Variants in PALLD observed in about 807,000 individuals in gnomAD.
PALLD encodes palladin.
A neutral mutation model predicts 123.5 loss-of-function variants in PALLD; 61 were observed. The ratio of observed to expected loss-of-function variants is 0.49; its 90% CI spans 0.40 to 0.61. The LOEUF (loss-of-function observed/expected upper bound fraction) is 0.61, where lower values mean the gene tolerates loss of function less well. Among genes scored for constraint, PALLD ranks in the 20% least tolerant of loss-of-function variants. The probability of loss-of-function intolerance (pLI) is 0.00; values close to 1 mark genes in which losing one functional copy is unlikely to be tolerated. For synonymous variants in PALLD, 465 were observed against 496.4 expected, an observed-to-expected ratio of 0.94 and a Z score of 0.84; for missense variants, 1,273 against 1,377.0, an observed-to-expected ratio of 0.92 and a Z score of 1.20.
intron 10 of PALLD, among the ~76,000 whole-genome samples, chr4:168,759,044 T>C (rs1732307751): frequency 6.6e-6 from 1 of 150,876 alleles, no homozygotes; most frequent in Non-Finnish European, 1.5e-5. Context: ...CCAGGCGTGA[T>C]AGCAGGTACC....
chr4:168,903,338 C>G (rs1560890695), intron 14 of PALLD, among the ~76,000 whole-genome samples: 2 of 151,972 alleles, frequency 1.3e-5, no homozygotes, highest in Non-Finnish European at 2.9e-5. Context: ...ACCTTTTTAC[C>G]TTTATTTTAT....
chr4:168,780,586 T>TG (rs1482335513), intron 10 of PALLD, among the ~76,000 whole-genome samples: 2 of 152,220 alleles, frequency 1.3e-5, no homozygotes, highest in Non-Finnish European at 2.9e-5. Flanking sequence ...TGTAGCCAGT[T>TG]GTTATGAAAG....
chr4:168,548,096 A>C (rs1340721707), intron 2 of PALLD, among the ~76,000 whole-genome samples: 1 of 152,142 alleles, frequency 6.6e-6, no homozygotes, highest in Non-Finnish European at 1.5e-5. Context: ...TTAATTATCC[A>C]GCATGTGCTT....
In PALLD at chr4:168,926,345, T is replaced by A; in HGVS notation, c.*165T>A. The A allele has an allele frequency of 6.5e-7, 1 of 1,537,416 alleles. No homozygotes were observed. The highest frequency in any genetic ancestry group is 8.7e-7 in the Non-Finnish European group (1 of 1,146,836). On this transcript the variant is annotated 3_prime_UTR_variant, in exon 22 of 22. Transcript: ENST00000505667. ...CAACCTGAGGCCAACCCATCTCACC[T>A]GACACTGAATACTGCCTTGGTAGAA...
At chr4:168,712,302 C>G in intron 10 of PALLD, 1 of 296,654 alleles carries the variant, frequency 3.4e-6, no homozygotes, top group South Asian at 4.8e-5. Flanking sequence ...GCATTTGTTA[C>G]TTTAAATATT....
At chr4:168,656,695 T>C (rs1429080614) in intron 2 of PALLD, among the ~76,000 whole-genome samples, 1 of 152,182 alleles carries the variant, frequency 6.6e-6, no homozygotes, top group African/African-American at 2.4e-5. Context: ...ATGTTTACCC[T>C]GCATATCCAG....
intron 3 of PALLD, among the ~76,000 whole-genome samples, chr4:168,680,495 A>G (rs867528152): frequency 7.5e-6 from 1 of 133,824 alleles, no homozygotes; most frequent in Non-Finnish European, 1.6e-5. Context: ...AAAAAAAAAA[A>G]AAAAAAAAAA....
At chr4:168,816,408 TATATA>T (rs1288098577) in intron 10 of PALLD, among the ~76,000 whole-genome samples, 3,734 of 142,612 alleles carry the variant, frequency 0.026, 172 homozygotes, top group African/African-American at 0.093. Flanking sequence ...TATATATATA[TATATA>T]TTTTTTTTAA....
intron 10 of PALLD, among the ~76,000 whole-genome samples, chr4:168,755,587 A>G (rs1273264076): frequency 1.3e-5 from 2 of 152,216 alleles, no homozygotes; most frequent in Non-Finnish European, 2.9e-5. Flanking sequence ...TATTCAATGC[A>G]TGATGAGAAG....
chr4:168,725,100 G>A (rs182131071), intron 10 of PALLD, among the ~76,000 whole-genome samples: 2 of 152,290 alleles, frequency 1.3e-5, no homozygotes, highest in East Asian at 3.9e-4. Flanking sequence ...CTCCAGCTGT[G>A]AGCCTCTGGA....
chr4:168,568,609 G>T (rs999754932), intron 2 of PALLD, among the ~76,000 whole-genome samples: 4 of 151,918 alleles, frequency 2.6e-5, no homozygotes, highest in Admixed American at 1.3e-4. Flanking sequence ...ACTTATGTGT[G>T]CATTATGTAT....
chr4:168,654,792 C>T (rs923454961), intron 2 of PALLD: 6 of 152,222 alleles, frequency 3.9e-5, no homozygotes, highest in African/African-American at 1.4e-4. Context: ...GACAACAGCT[C>T]ACTTGTCTAC....
chr4:168,678,826 G>T (rs1462667642), intron 3 of PALLD, among the ~76,000 whole-genome samples: 1 of 150,634 alleles, frequency 6.6e-6, no homozygotes, highest in East Asian at 2.0e-4. Flanking sequence ...GTGTGTGGGG[G>T]GGTATGGTGT....
At chr4:168,535,785 T>C (rs1360975886) in intron 2 of PALLD, among the ~76,000 whole-genome samples, 2 of 152,178 alleles carry the variant, frequency 1.3e-5, no homozygotes, top group African/African-American at 2.4e-5. Flanking sequence ...TATAGCCACC[T>C]CTACAAATAT....
intron 15 of PALLD, among the ~76,000 whole-genome samples, chr4:168,906,004 C>T (rs897985117): frequency 2.0e-5 from 3 of 151,570 alleles, no homozygotes; most frequent in Admixed American, 6.6e-5. Flanking sequence ...CCTCTTTTTT[C>T]CTTATTATAT....
intron 10 of PALLD, among the ~76,000 whole-genome samples, chr4:168,748,733 A>G (rs1045436083): frequency 6.6e-6 from 1 of 152,138 alleles, no homozygotes; most frequent in African/African-American, 2.4e-5. Context: ...CCTTGTGGTT[A>G]TATGACCGGG....
chr4:168,802,909 C>G (rs1207732566), intron 10 of PALLD, among the ~76,000 whole-genome samples: 1 of 152,132 alleles, frequency 6.6e-6, no homozygotes, highest in African/African-American at 2.4e-5. Context: ...TGAGGCTGGT[C>G]TCGAACCCCC....
chr4:168,743,188 C>G (rs916929848), intron 10 of PALLD, among the ~76,000 whole-genome samples: 1 of 151,658 alleles, frequency 6.6e-6, no homozygotes, highest in African/African-American at 2.4e-5. Context: ...CAGCCCCTGC[C>G]CTGGTGTTTG....
intron 2 of PALLD, among the ~76,000 whole-genome samples, chr4:168,656,594 A>C (rs1055773117): frequency 4.6e-5 from 7 of 152,258 alleles, no homozygotes; most frequent in African/African-American, 1.7e-4. Context: ...TGCCCATCCT[A>C]GTTTACCCGA....
Sources: allele counts gnomAD v4.1 joint callset (sites outside exome capture counted in the v4.1 genomes callset), GRCh38; gene constraint gnomAD v4.1.1; transcripts MANE v1.5; gene names NCBI Gene and HGNC (gene_info 2026-07-23, HGNC 2026-07-21).